The following GPC4 variants were observed in gnomAD, a reference collection of about 807,000 sequenced individuals.
GPC4 encodes glypican 4, also known as glypican-4.
Under a neutral mutation model 35.0 loss-of-function variants are expected in GPC4, and 10 were observed. That is an observed-to-expected ratio of 0.29 (90% CI 0.18 to 0.48). GPC4 has a LOEUF of 0.48. GPC4 is among the 20% of genes least tolerant of loss of function. The pLI is 0.99. For synonymous variants in GPC4, 167 were observed against 170.2 expected, an observed-to-expected ratio of 0.98 and a Z score of 0.15; for missense variants, 322 against 451.3, an observed-to-expected ratio of 0.71 and a Z score of 2.60.
intron 1 of GPC4, among the ~76,000 whole-genome samples, chrX:133,407,076 C>CAAA (rs58637024): frequency 9.8e-6 from 1 of 101,672 alleles, no homozygotes; most frequent in African/African-American, 3.6e-5. Flanking sequence ...GACTCCATCT[C>CAAA]AAAAAAAAAA....
At chrX:133,411,521 C>T (rs777533084) in intron 1 of GPC4, among the ~76,000 whole-genome samples, 17 of 111,542 alleles carry the variant, frequency 1.5e-4, no homozygotes, top group Non-Finnish European at 1.9e-4. Context: ...AGTCCTAAAT[C>T]CCTTCTCTCT....
At chrX:133,303,098 T>G (rs758187510) in intron 8 of GPC4, 29 bp from the exon 9 acceptor site, 30 of 1,206,555 alleles carry the variant, frequency 2.5e-5, no homozygotes, top group Non-Finnish European at 3.4e-5. Context: ...GAATAGAAAT[T>G]TCATTCCACT....
Position 133,324,550 on chromosome X carries a change from C to CAAAAA in GPC4, c.320-19_320-15dup, listed in dbSNP as rs57898529. 7 of 807,545 alleles carry CAAAAA rather than the reference C, an allele frequency of 8.7e-6. No homozygotes were observed. Among genetic ancestry groups the CAAAAA allele is most frequent in the Middle Eastern group, 5.0e-4 (1 of 1,987 alleles). 66.6% of individuals were successfully genotyped at this position (807,545 alleles called of 1,213,427 possible). A position where few individuals can be genotyped will look rare whatever the true frequency, so the allele number is the denominator to read the frequency against. On this transcript the variant is annotated splice_polypyrimidine_tract_variant and intron_variant, in intron 2 of 8. Coordinates refer to ENST00000370828, the MANE Select transcript of GPC4 (RefSeq NM_001448.3). ...CTTTGAAGAATTCTGAAACCAACAC[C>CAAAAA]AAAAAAAAAAAAAAAAAAAGGAAAA... is the stretch of plus-strand genomic sequence containing the variant.
chrX:133,343,495 T>C lies in GPC4; in HGVS notation c.161-4154A>G, dbSNP rs764145062. On this transcript the variant is annotated intron_variant, in intron 1 of 8. Coordinates refer to ENST00000370828, the MANE Select transcript of GPC4 (RefSeq NM_001448.3). ...TGTTGTACTTGTTGAGAATTCCTTG[T>C]TCTTAATTTAAAAAGCAGGTGAATT... Among the ~76,000 whole-genome samples the C allele has an allele frequency of 4.5e-5, 5 of 112,026 alleles. No individual in the cohort carries two copies. The South Asian group carries it at 1.1e-3, about 26-fold the overall frequency.
intron 3 of GPC4, among the ~76,000 whole-genome samples, chrX:133,312,232 C>G (rs2068317842): frequency 9.0e-6 from 1 of 110,939 alleles, no homozygotes; most frequent in Non-Finnish European, 1.9e-5. Flanking sequence ...CAGGACATGT[C>G]ACTGCATCTC....
In GPC4 at chrX:133,304,980, A is replaced by C. The variant is rs2073049; in HGVS notation, c.1156-119T>G. 852 of 677,489 alleles carry C rather than the reference A, an allele frequency of 1.3e-3. 13 individuals are homozygous for C. In the East Asian group the frequency reaches 0.027, roughly 22 times the overall value. 55.8% of individuals were successfully genotyped at this position (677,489 alleles called of 1,213,427 possible). ...CAGAGTGATATGCAATTCATTTTCA[A>C]CTTTAATTAGAAGAGGAAGATGCAA... On this transcript the variant is annotated intron_variant, in intron 6 of 8. Transcript: ENST00000370828.
intron 4 of GPC4, among the ~76,000 whole-genome samples, chrX:133,306,382 G>A (rs1039947765): frequency 9.0e-6 from 1 of 111,351 alleles, no homozygotes; most frequent in African/African-American, 3.3e-5. Context: ...GCCAGATGAA[G>A]GCTTAGTTCT....
At chrX:133,318,329 G>T (rs957557446) in intron 3 of GPC4, among the ~76,000 whole-genome samples, 1 of 112,147 alleles carries the variant, frequency 8.9e-6, no homozygotes, top group Non-Finnish European at 1.9e-5. Flanking sequence ...AGTTTGTTTA[G>T]TACTCTTGTA....
chrX:133,352,693 C>A (rs1276915435), intron 1 of GPC4, among the ~76,000 whole-genome samples: 1 of 111,413 alleles, frequency 9.0e-6, no homozygotes, highest in Non-Finnish European at 1.9e-5. Flanking sequence ...TCTATGCCCT[C>A]AAGTGACTGA....
intron 1 of GPC4, among the ~76,000 whole-genome samples, chrX:133,346,487 G>A (rs1290431186): frequency 9.0e-6 from 1 of 111,407 alleles, no homozygotes; most frequent in Non-Finnish European, 1.9e-5. Flanking sequence ...GGGATTCAAA[G>A]GGCCATCAAA....
Position 133,304,850 on chromosome X carries a change from G to C in GPC4, c.1167C>G (p.Val389=), listed in dbSNP as rs761457982. Residue 389 remains valine (V), a synonymous_variant, in exon 7 of 9, where the codon GTC becomes GTG. Coordinates refer to ENST00000370828, the MANE Select transcript of GPC4 (RefSeq NM_001448.3). ...GTSLDRLVTD[V]KEKLKQAKKF... ...TCTTGGCCTGTTTCAGTTTCTCCTT[G>C]ACATCAGTAACCTAATTATGAAACA... is the stretch of plus-strand genomic sequence containing the variant. 6.6e-6 allele frequency: 8 copies of C among 1,209,841 alleles called. No individual in the cohort carries two copies. Among genetic ancestry groups the C allele is most frequent in the South Asian group, 1.8e-5 (1 of 56,883 alleles).
intron 1 of GPC4, among the ~76,000 whole-genome samples, chrX:133,389,631 C>A (rs1207917793): frequency 9.0e-6 from 1 of 111,168 alleles, no homozygotes; most frequent in Non-Finnish European, 1.9e-5. Context: ...AACAGCTCAT[C>A]TGGTTTCACT....
intron 2 of GPC4, among the ~76,000 whole-genome samples, chrX:133,331,526 C>A (rs2068419965): frequency 9.0e-6 from 1 of 111,648 alleles, no homozygotes; most frequent in African/African-American, 3.3e-5. Context: ...CATCCCAGCA[C>A]TTTGAGAGGC....
intron 1 of GPC4, among the ~76,000 whole-genome samples, chrX:133,359,320 A>T (rs2068556150): frequency 9.0e-6 from 1 of 111,442 alleles, no homozygotes; most frequent in African/African-American, 3.3e-5. Context: ...ACTTACTTAT[A>T]GTCGCCCCAG....
In GPC4 at chrX:133,302,978, C is replaced by T. The variant is rs146178130; in HGVS notation, c.1560G>A (p.Gly520=). Residue 520 remains glycine (G), a synonymous_variant, in exon 9 of 9, where the codon GGG becomes GGA. Transcript: ENST00000370828. ...EFDYNATDHA[G]KSANEKADSA... is the part of the protein sequence containing the mutation. ...TGTCGGCTTTCTCATTGGCACTCTT[C>T]CCAGCATGGTCAGTGGCATTGTAGT... is the stretch of plus-strand genomic sequence containing the variant. The T allele has an allele frequency of 4.0e-5, 48 of 1,209,767 alleles. No individual in the cohort carries two copies. The African/African-American group carries it at 5.8e-4, about 15-fold the overall frequency.
chrX:133,393,958 C>T (rs951035192), intron 1 of GPC4, among the ~76,000 whole-genome samples: 1 of 111,391 alleles, frequency 9.0e-6, no homozygotes, highest in Non-Finnish European at 1.9e-5. Flanking sequence ...GTAATACATA[C>T]CACAATTTAA....
intron 1 of GPC4, among the ~76,000 whole-genome samples, chrX:133,352,106 G>A: frequency 9.0e-6 from 1 of 111,494 alleles, no homozygotes; most frequent in South Asian, 3.8e-4. Flanking sequence ...CAAGATCTCT[G>A]AGGTCCTCTA....
chrX:133,373,309 G>C (rs184294566), intron 1 of GPC4, among the ~76,000 whole-genome samples: 1 of 111,260 alleles, frequency 9.0e-6, no homozygotes, highest in Admixed American at 9.5e-5. Flanking sequence ...ACGTACACAA[G>C]ATGGGATGCA....
intron 1 of GPC4, among the ~76,000 whole-genome samples, chrX:133,368,794 G>A (rs1437123938): frequency 9.1e-6 from 1 of 109,802 alleles, no homozygotes; most frequent in Non-Finnish European, 1.9e-5. Flanking sequence ...ACAGGTGCCC[G>A]CCACCACACC....
Sources: gnomAD v4.1 joint callset for allele counts (sites outside exome capture counted in the v4.1 genomes callset) on GRCh38, gnomAD v4.1.1 for gene constraint, MANE v1.5 for transcripts, NCBI Gene and HGNC (gene_info 2026-07-23, HGNC 2026-07-21) for gene names.